Variants in GUCY1B1 observed in about 807,000 individuals in gnomAD.
GUCY1B1 encodes the protein guanylate cyclase 1 soluble subunit beta 1.
In GUCY1B1, 43 loss-of-function variants were observed where a neutral mutation model predicts 71.0. That is an observed-to-expected ratio of 0.61 (90% confidence interval 0.47 to 0.78). GUCY1B1 has a LOEUF of 0.78. GUCY1B1 is among the 30% of genes least tolerant of loss of function. The probability of loss-of-function intolerance (pLI) is 0.00; values close to 1 mark genes in which losing one functional copy is unlikely to be tolerated. For missense variants in GUCY1B1, 535 were observed against 754.1 expected (o/e 0.71, Z 3.40); for synonymous variants, 266 against 259.7 (o/e 1.02, Z -0.23).
In GUCY1B1 at chr4:155,759,836, G is replaced by A; in HGVS notation, c.53G>A (p.Gly18Asp). The change falls in exon 2 of 14, where the codon GGC becomes GAC. Residue 18 changes from glycine (G) to aspartate (D), a missense_variant. Transcript: ENST00000264424. ...ALELLVIRNY[G>D]PEVWEDIKKE... ...GAGTTGCTGGTGATCCGCAATTACGGCCCCGAGGTGTGGGAAGACATCAAG... is the reference window on the plus strand; with the variant it reads ...GAGTTGCTGGTGATCCGCAATTACGACCCCGAGGTGTGGGAAGACATCAAG... 6.2e-7 allele frequency: 1 copy of A among 1,612,844 alleles called. No homozygotes were observed. Among genetic ancestry groups the A allele is most frequent in the East Asian group, 2.2e-5 (1 of 44,716 alleles).
intron 2 of GUCY1B1, among the ~76,000 whole-genome samples, chr4:155,767,906 G>A (rs772213543): frequency 3.9e-5 from 6 of 152,064 alleles, no homozygotes; most frequent in Non-Finnish European, 8.8e-5. Flanking sequence ...TTTAATAATG[G>A]TTGGGGACAA....
At chr4:155,799,519 T>C (rs560680544) in intron 8 of GUCY1B1, among the ~76,000 whole-genome samples, 17 of 152,274 alleles carry the variant, frequency 1.1e-4, no homozygotes, top group Non-Finnish European at 1.9e-4. Flanking sequence ...TAAAGATAGA[T>C]TTTTTTCCTC....
intron 5 of GUCY1B1, among the ~76,000 whole-genome samples, chr4:155,791,751 A>AT (rs1439735357): frequency 7.0e-6 from 1 of 142,778 alleles, no homozygotes; most frequent in African/African-American, 2.6e-5. Flanking sequence ...GAGAAAAAAA[A>AT]AAAAATAAAG....
At chr4:155,763,587 T>G (rs1737143694) in intron 2 of GUCY1B1, among the ~76,000 whole-genome samples, 1 of 152,228 alleles carries the variant, frequency 6.6e-6, no homozygotes, top group South Asian at 2.1e-4. Flanking sequence ...TTAGTCTTAT[T>G]ATTTTGTTTT....
chr4:155,781,001 T>C (rs1268173852), intron 4 of GUCY1B1, among the ~76,000 whole-genome samples: 1 of 152,164 alleles, frequency 6.6e-6, no homozygotes, highest in African/African-American at 2.4e-5. Context: ...GACTCACTCA[T>C]CATAGCAAGC....
chr4:155,789,680 T>C, intron 4 of GUCY1B1, 34 bp from the exon 5 acceptor site: 1 of 1,271,164 alleles, frequency 7.9e-7, no homozygotes, highest in East Asian at 2.3e-5. Context: ...TGCGAAAGCA[T>C]TGTTTATTGG....
intron 5 of GUCY1B1, among the ~76,000 whole-genome samples, chr4:155,790,584 CA>C (rs1410849388): frequency 6.6e-6 from 1 of 152,120 alleles, no homozygotes; most frequent in Admixed American, 6.6e-5. Flanking sequence ...TTTATGTGTT[CA>C]GCATGTTCAT....
intron 2 of GUCY1B1, 146 bp downstream of exon 2, chr4:155,760,006 A>G: frequency 1.7e-6 from 1 of 604,748 alleles, no homozygotes; most frequent in Non-Finnish European, 2.9e-6. Context: ...GGCTCGCTGC[A>G]GCTGCGCTCC....
chr4:155,798,717 A>G (rs1459553501), intron 8 of GUCY1B1, among the ~76,000 whole-genome samples: 1 of 152,184 alleles, frequency 6.6e-6, no homozygotes. Context: ...CAAAGACATA[A>G]CTAAATTTTT....
In GUCY1B1 at chr4:155,767,779, T is replaced by C. The variant is rs75060486; in HGVS notation, c.78-7189T>C. Among the ~76,000 whole-genome samples, 980 of 152,224 alleles carry C rather than the reference T, an allele frequency of 6.4e-3. 23 individuals carry two copies. In the East Asian group the frequency reaches 0.1, roughly 16 times the overall value. ...ACTGAGAATCATTAGATTAGGCCAT[T>C]GAAAACTTAGAGGCTATTCATGCTC... On this transcript the variant is annotated intron_variant, in intron 2 of 13. Transcript: ENST00000264424.
chr4:155,764,028 G>A (rs770646990), intron 2 of GUCY1B1, among the ~76,000 whole-genome samples: 12 of 151,876 alleles, frequency 7.9e-5, no homozygotes, highest in Middle Eastern at 3.4e-3. Flanking sequence ...TATCACTCTA[G>A]GATAAGTAAT....
intron 4 of GUCY1B1, among the ~76,000 whole-genome samples, chr4:155,786,271 CTTTTTTTTT>C (rs33996424): frequency 0.17 from 21,402 of 123,786 alleles, 1,891 homozygotes; most frequent in Middle Eastern, 0.23. Flanking sequence ...GTTCAATTTC[CTTTTTTTTT>C]TTTTTTTTTT....
chr4:155,768,898 T>C (rs1467077981), intron 2 of GUCY1B1, among the ~76,000 whole-genome samples: 1 of 152,156 alleles, frequency 6.6e-6, no homozygotes, highest in Non-Finnish European at 1.5e-5. Context: ...GCAACAGAGC[T>C]TGTTTGTTTC....
chr4:155,805,235 A>G lies in GUCY1B1; in HGVS notation c.1836+6A>G. The G allele has an allele frequency of 6.2e-7, 1 of 1,605,246 alleles. No individual in the cohort carries two copies. The highest frequency in any genetic ancestry group is 8.5e-7 in the Non-Finnish European group (1 of 1,175,148). ...GAAAAAATACAGGAACAGAGGTATG[A>G]CTAATCAAAGTGTAATTTGCGTACT... On this transcript the variant is annotated splice_donor_region_variant and intron_variant, in intron 13 of 13. Coordinates refer to ENST00000264424, the MANE Select transcript of GUCY1B1 (RefSeq NM_000857.5).
chr4:155,779,304 A>G (rs991875549), intron 4 of GUCY1B1, among the ~76,000 whole-genome samples: 7 of 152,168 alleles, frequency 4.6e-5, no homozygotes, highest in Non-Finnish European at 1.0e-4. Flanking sequence ...ACATACATAC[A>G]TGTGTACATA....
Position 155,796,403 on chromosome 4 carries a change from A to G in GUCY1B1, c.870A>G (p.Leu290=). The G allele has an allele frequency of 6.2e-7, 1 of 1,613,508 alleles. No homozygotes were observed. Residue 290 remains leucine, a synonymous_variant, in exon 8 of 14, where the codon TTA becomes TTG. Coordinates refer to ENST00000264424, the MANE Select transcript of GUCY1B1 (RefSeq NM_000857.5). The part of the protein sequence containing the change: ...SKEGLLDVEK[L]ECEDELTGTE... The stretch of plus-strand genomic sequence containing the variant: ...AAGGATTGTTGGATGTGGAGAAATT[A>G]GAATGTGAGGATGAACTGACTGGGA...
intron 10 of GUCY1B1, among the ~76,000 whole-genome samples, chr4:155,803,205 A>T (rs906160696): frequency 6.6e-5 from 10 of 152,246 alleles, no homozygotes; most frequent in Non-Finnish European, 1.2e-4. Flanking sequence ...ACACTCTAGC[A>T]TGTGGTGAGC....
Position 155,793,891 on chromosome 4 carries a change from T to C in GUCY1B1, c.531T>C (p.Thr177=), listed in dbSNP as rs781519863. Residue 177 remains threonine (T), a synonymous_variant, in exon 6 of 14, where the codon ACT becomes ACC. Transcript: ENST00000264424. ...IQQRNEECDH[T]QFLIEEKESK... is the part of the protein sequence containing the mutation. Reference sequence around the variant, plus strand: ...AAAGAAATGAAGAATGTGATCATACTCAATTTTTAATTGAAGAAAAAGAGT... The same window carrying C: ...AAAGAAATGAAGAATGTGATCATACCCAATTTTTAATTGAAGAAAAAGAGT... 3 of 1,562,840 alleles carry C rather than the reference T, an allele frequency of 1.9e-6. No individual in the cohort carries two copies. Among genetic ancestry groups the C allele is most frequent in the Non-Finnish European group, 2.6e-6 (3 of 1,133,284 alleles).
At chr4:155,764,322 G>C (rs1431014424) in intron 2 of GUCY1B1, among the ~76,000 whole-genome samples, 1 of 152,108 alleles carries the variant, frequency 6.6e-6, no homozygotes, top group Non-Finnish European at 1.5e-5. Context: ...AATTTTGGTT[G>C]ACTGCTACAA....
Sources: gnomAD v4.1 joint callset for allele counts (sites outside exome capture counted in the v4.1 genomes callset) on GRCh38, gnomAD v4.1.1 for gene constraint, MANE v1.5 for transcripts, NCBI Gene and HGNC (gene_info 2026-07-23, HGNC 2026-07-21) for gene names.